KPNA2: variants seen among roughly 807,000 people sequenced by gnomAD.
KPNA2 encodes importin subunit alpha-1.
A neutral mutation model predicts 53.7 loss-of-function variants in KPNA2; 20 were observed. The ratio of observed to expected loss-of-function variants is 0.37; its 90% CI spans 0.26 to 0.54. The LOEUF is 0.54. Ranked by LOEUF, KPNA2 falls within the 20% of genes least tolerant of loss-of-function variation. KPNA2 has a pLI of 0.83. For synonymous variants in KPNA2, 238 were observed against 227.5 expected, an observed-to-expected ratio of 1.05 and a Z score of -0.42; for missense variants, 515 against 640.3, an observed-to-expected ratio of 0.80 and a Z score of 2.11.
At chr17:68,043,416 C>G in intron 7 of KPNA2, 53 bp downstream of exon 7, 1 of 1,569,272 alleles carries the variant, frequency 6.4e-7, no homozygotes, top group East Asian at 2.2e-5. Flanking sequence ...ATGATCAGGG[C>G]TGGGCGTGGT....
chr17:68,042,018 T>A, intron 4 of KPNA2, 67 bp from the exon 5 acceptor site: 1 of 1,366,326 alleles, frequency 7.3e-7, no homozygotes, highest in Non-Finnish European at 1.0e-6. Flanking sequence ...CATTTTATAT[T>A]GGTTTTTACA....
At position 68,044,361 on chromosome 17, in the gene KPNA2, C is replaced by T. The variant is rs1322172924; in HGVS notation, c.1205C>T (p.Thr402Ile). 1 of 1,614,022 alleles carries T rather than the reference C, an allele frequency of 6.2e-7. No homozygotes were observed. The highest frequency in any genetic ancestry group is 8.5e-7 in the Non-Finnish European group (1 of 1,179,958). Residue 402 changes from threonine to isoleucine, a missense_variant, in exon 9 of 11, where the codon ACC becomes ATC. Thr to Ile is a moderately conservative substitution (Grantham distance 89, BLOSUM62 -1). Transcript: ENST00000330459. ...KTQKEAVWAV[T>I]NYTSGGTVEQ... is the part of the protein sequence containing the mutation. ...CAAAAGGAAGCTGTGTGGGCCGTGA[C>T]CAACTATACCAGTGGTGGAACAGTT...
At chr17:68,041,450 T>A (rs1375629809) in intron 4 of KPNA2, among the ~76,000 whole-genome samples, 1 of 152,106 alleles carries the variant, frequency 6.6e-6, no homozygotes, top group Non-Finnish European at 1.5e-5. Flanking sequence ...TCTCACGTGT[T>A]TGGGAGGCTC....
chr17:68,041,683 G>A (rs2071262185), intron 4 of KPNA2, among the ~76,000 whole-genome samples: 1 of 152,142 alleles, frequency 6.6e-6, no homozygotes, highest in African/African-American at 2.4e-5. Flanking sequence ...CTGTGATCGT[G>A]GCACTGCACT....
chr17:68,038,178 T>C (rs2071213328), intron 3 of KPNA2, among the ~76,000 whole-genome samples: 1 of 152,156 alleles, frequency 6.6e-6, no homozygotes, highest in East Asian at 1.9e-4. Context: ...TGTTTCAACA[T>C]GTTAGCCAGG....
intron 7 of KPNA2, 99 bp downstream of exon 7, chr17:68,043,462 G>A: frequency 8.4e-7 from 1 of 1,183,552 alleles, no homozygotes; most frequent in Non-Finnish European, 1.2e-6. Flanking sequence ...CCAGCACTTT[G>A]GGAGACCAAG....
chr17:68,045,980 C>G, intron 10 of KPNA2, 59 bp downstream of exon 10: 2 of 1,069,692 alleles, frequency 1.9e-6, no homozygotes, highest in Non-Finnish European at 2.6e-6. Context: ...AGGCCATAAG[C>G]CTTTTTTTCC....
Position 68,042,994 on chromosome 17 carries a change from T to G in KPNA2, c.661T>G (p.Leu221Val). Residue 221 changes from leucine (L) to valine (V), a missense_variant, in exon 6 of 11, where the codon TTA becomes GTA. Leu to Val is a conservative substitution (Grantham distance 32). Coordinates refer to ENST00000330459, the MANE Select transcript of KPNA2 (RefSeq NM_002266.4). ...CCTTGCAGTTCCTGATATGTCATCTTTAGCAGTAAGTTACTAACATGAGTA... is the reference window on the plus strand; with the variant it reads ...CCTTGCAGTTCCTGATATGTCATCTGTAGCAGTAAGTTACTAACATGAGTA... Reference protein sequence around the residue: ...ALLAVPDMSSLACGYLRNLTW... With the variant: ...ALLAVPDMSSVACGYLRNLTW... 1 of 1,613,380 alleles carries G rather than the reference T, an allele frequency of 6.2e-7. No homozygotes were observed. Among genetic ancestry groups the G allele is most frequent in the Non-Finnish European group, 8.5e-7 (1 of 1,179,298 alleles).
In KPNA2 at chr17:68,042,973, G is replaced by GCAA; in HGVS notation, c.642_643insACA (p.Ala214_Val215insThr). The GCAA allele has an allele frequency of 6.2e-7, 1 of 1,613,452 alleles. No homozygotes were observed. Among genetic ancestry groups the GCAA allele is most frequent in the Non-Finnish European group, 8.5e-7 (1 of 1,179,774 alleles). On this transcript the variant is annotated inframe_insertion, in exon 6 of 11. Coordinates refer to ENST00000330459, the MANE Select transcript of KPNA2 (RefSeq NM_002266.4). ...AGTTGACCCACTGTTGGCTCTCCTT[G>GCAA]CAGTTCCTGATATGTCATCTTTAGC...
Position 68,043,240 on chromosome 17 carries a change from A to G in KPNA2, c.807A>G (p.Ala269=). Residue 269 remains alanine (A), a synonymous_variant, in exon 7 of 11, where the codon GCA becomes GCG. Coordinates refer to ENST00000330459, the MANE Select transcript of KPNA2 (RefSeq NM_002266.4). ...LLHHDDPEVL[A]DTCWAISYLT... is the part of the protein sequence containing the mutation. ...ATCATGATGATCCAGAAGTATTAGCAGATACCTGCTGGGCTATTTCCTACC... is the reference window on the plus strand; with the variant it reads ...ATCATGATGATCCAGAAGTATTAGCGGATACCTGCTGGGCTATTTCCTACC... The G allele has an allele frequency of 6.2e-7, 1 of 1,614,180 alleles. No homozygotes were observed. The highest frequency in any genetic ancestry group is 8.5e-7 in the Non-Finnish European group (1 of 1,180,004).
rs539964847 is a variant in KPNA2, at chr17:68,037,096, C to T, written c.-23-14C>T. The T allele has an allele frequency of 6.8e-7, 1 of 1,479,708 alleles. No individual in the cohort carries two copies. 91.7% of individuals were successfully genotyped at this position (1,479,708 alleles called of 1,614,324 possible). ...ATGATAAAGGAAATATTTTTCTCTT[C>T]CCCCATCTTTTAGCTTTCTCCCTTT... is the stretch of plus-strand genomic sequence containing the variant. On this transcript the variant is annotated splice_polypyrimidine_tract_variant and intron_variant, in intron 1 of 10. Coordinates refer to ENST00000330459, the MANE Select transcript of KPNA2 (RefSeq NM_002266.4).
At position 68,037,368 on chromosome 17, in the gene KPNA2, G is replaced by T. The variant is rs1183012630; in HGVS notation, c.86G>T (p.Arg29Leu). ...NKGKDSTEMRRRRIEVNVELR... is the reference protein window; with the variant it reads ...NKGKDSTEMRLRRIEVNVELR... Reference sequence around the variant, plus strand: ...TTATCTTTTCTCAAGGAAATGAGGCGTCGCAGAATAGAGGTCAATGTGGAG... The same window carrying T: ...TTATCTTTTCTCAAGGAAATGAGGCTTCGCAGAATAGAGGTCAATGTGGAG... Residue 29 changes from arginine to leucine, a missense_variant, in exon 3 of 11, where the codon CGT becomes CTT. Arg to Leu is a moderately radical substitution (Grantham distance 102). Transcript: ENST00000330459. 1 of 1,612,588 alleles carries T rather than the reference G, an allele frequency of 6.2e-7. No homozygotes were observed. The highest frequency in any genetic ancestry group is 1.3e-5 in the African/African-American group (1 of 74,866).
chr17:68,040,506 T>A (rs900230578), intron 3 of KPNA2, among the ~76,000 whole-genome samples, 172 bp from the exon 4 acceptor site: 2 of 152,198 alleles, frequency 1.3e-5, no homozygotes, highest in Non-Finnish European at 2.9e-5. Context: ...TTGGAAACTG[T>A]TCTACATATA....
At position 68,043,181 on chromosome 17, in the gene KPNA2, G is replaced by T; in HGVS notation, c.748G>T (p.Glu250Ter). The change falls in exon 7 of 11, where the codon GAG becomes TAG. Residue 250 changes from glutamate (E) to a stop codon, truncating the protein, a stop_gained. Transcript: ENST00000330459. LOFTEE classifies it high-confidence loss of function. ...KNPAPPIDAV[E>*]QILPTLVRLL... ...TCCTGCACCCCCGATAGATGCTGTT[G>T]AGCAGATTCTTCCTACCTTAGTTCG... 6.2e-7 allele frequency: 1 copy of T among 1,614,076 alleles called. No homozygotes were observed. Among genetic ancestry groups the T allele is most frequent in the South Asian group, 1.1e-5 (1 of 91,086 alleles).
rs782336201 is a variant in KPNA2 at position 68,037,382 on chromosome 17, G to A, written c.100G>A (p.Val34Ile). 1.4e-5 allele frequency: 22 copies of A among 1,614,018 alleles called. No individual in the cohort carries two copies. The East Asian group carries it at 4.5e-4, about 33-fold the overall frequency. Reference protein sequence around the residue: ...STEMRRRRIEVNVELRKAKKD... With the variant: ...STEMRRRRIEINVELRKAKKD... ...GGAAATGAGGCGTCGCAGAATAGAGGTCAATGTGGAGCTGAGGAAAGCTAA... is the reference window on the plus strand; with the variant it reads ...GGAAATGAGGCGTCGCAGAATAGAGATCAATGTGGAGCTGAGGAAAGCTAA... The change falls in exon 3 of 11, where the codon GTC (valine) becomes ATC (isoleucine). Residue 34 changes from valine to isoleucine, a missense_variant. By Grantham distance (29) the Val-to-Ile change is conservative. Coordinates refer to ENST00000330459, the MANE Select transcript of KPNA2 (RefSeq NM_002266.4).
intron 9 of KPNA2, 126 bp from the exon 10 acceptor site, chr17:68,045,646 G>GC (rs1253458852): frequency 1.5e-5 from 10 of 688,942 alleles, no homozygotes; most frequent in Admixed American, 1.0e-4. Flanking sequence ...ACTATGATAG[G>GC]CTTGATGAAG....
In KPNA2 at chr17:68,044,115, T is replaced by C. The variant is rs377135157; in HGVS notation, c.1164+44T>C. The C allele has an allele frequency of 2.0e-6, 3 of 1,509,750 alleles. No individual in the cohort carries two copies. In the African/African-American group the frequency reaches 4.1e-5, roughly 21 times the overall value. The allele number at this position is 1,509,750 out of a possible 1,614,324, so 93.5% of individuals were successfully genotyped here. A position where few individuals can be genotyped will look rare whatever the true frequency, so the allele number is the denominator to read the frequency against. On this transcript the variant is annotated intron_variant, in intron 8 of 10. Coordinates refer to ENST00000330459, the MANE Select transcript of KPNA2 (RefSeq NM_002266.4). ...TTAATCAAGTCATTTTTAGTATTTA[T>C]AGAAAGCTGTGCTTGATAAGCTTCT... is the stretch of plus-strand genomic sequence containing the variant.
In KPNA2 at chr17:68,046,488, T is replaced by G; in HGVS notation, c.1498-16T>G. 4.0e-6 allele frequency: 6 copies of G among 1,514,254 alleles called. No individual in the cohort carries two copies. Among genetic ancestry groups the G allele is most frequent in the Non-Finnish European group, 4.6e-6 (5 of 1,096,378 alleles). 93.8% of individuals were successfully genotyped at this position (1,514,254 alleles called of 1,614,324 possible). The stretch of plus-strand genomic sequence containing the variant: ...ACTTATATCATTTTTATACTTATTT[T>G]TTAATATATTTCCAGGAAGAGGAAG... On this transcript the variant is annotated splice_polypyrimidine_tract_variant and intron_variant, in intron 10 of 10. Coordinates refer to ENST00000330459, the MANE Select transcript of KPNA2 (RefSeq NM_002266.4).
chr17:68,040,827 T>TC, intron 4 of KPNA2, 61 bp downstream of exon 4: 2 of 768,330 alleles, frequency 2.6e-6, no homozygotes, highest in Middle Eastern at 5.0e-4. Flanking sequence ...GATTTTTTTT[T>TC]GGGGGGTGGG....
Sources: allele counts gnomAD v4.1 joint callset (sites outside exome capture counted in the v4.1 genomes callset), GRCh38; gene constraint gnomAD v4.1.1; transcripts MANE v1.5; gene names NCBI Gene and HGNC (gene_info 2026-07-23, HGNC 2026-07-21).